MYO16: variants seen among roughly 807,000 people sequenced by gnomAD.
The protein encoded by MYO16 is myosin XVI, also known as unconventional myosin-XVI.
In MYO16, 94 loss-of-function variants were observed where a neutral mutation model predicts 205.3. The ratio of observed to expected loss-of-function variants is 0.46; its 90% CI spans 0.39 to 0.54. The LOEUF (loss-of-function observed/expected upper bound fraction) is 0.54, where lower values mean the gene tolerates loss of function less well. Ranked by LOEUF, MYO16 falls within the 20% of genes least tolerant of loss-of-function variation. The pLI is 0.00. For synonymous variants in MYO16, 988 were observed against 954.0 expected, an observed-to-expected ratio of 1.04 and a Z score of -0.66; for missense variants, 2,315 against 2,387.5, an observed-to-expected ratio of 0.97 and a Z score of 0.63.
At chr13:108,523,916 C>T in the MYO16 span, among the ~76,000 whole-genome samples, 4,163 of 152,236 alleles carry the variant, frequency 0.027, 189 homozygotes, top group African/African-American at 0.092. Flanking sequence ...GGATCCTAGG[C>T]GTGGATTTCT....
chr13:108,773,690 C>T (rs1490286496), intron 4 of MYO16, among the ~76,000 whole-genome samples: 1 of 152,136 alleles, frequency 6.6e-6, no homozygotes, highest in Non-Finnish European at 1.5e-5. Context: ...TTCACAGGTA[C>T]TTGGGGGTAA....
intron 27 of MYO16, among the ~76,000 whole-genome samples, chr13:109,072,669 C>T (rs182078733): frequency 4.6e-5 from 7 of 152,176 alleles, no homozygotes; most frequent in Admixed American, 6.6e-5. Flanking sequence ...CTCTCAACCA[C>T]GGCTGCTCAC....
intron 27 of MYO16, among the ~76,000 whole-genome samples, chr13:109,068,881 G>A (rs955374646): frequency 1.3e-5 from 2 of 152,114 alleles, no homozygotes; most frequent in African/African-American, 2.4e-5. Flanking sequence ...GAGAGCCACC[G>A]TGCCCAGCCC....
intron 15 of MYO16, among the ~76,000 whole-genome samples, chr13:108,905,438 A>G (rs1178684064): frequency 1.3e-5 from 2 of 152,168 alleles, no homozygotes; most frequent in African/African-American, 4.8e-5. Context: ...ATCTTCATGA[A>G]TCTTATTTGG....
intron 9 of MYO16, among the ~76,000 whole-genome samples, chr13:108,839,665 TG>T (rs1594334467): frequency 6.6e-6 from 1 of 152,224 alleles, no homozygotes. Context: ...CTTTCTCTCC[TG>T]TAACAGCACT....
chr13:108,549,344 T>C, the MYO16 span, among the ~76,000 whole-genome samples: 2 of 151,642 alleles, frequency 1.3e-5, no homozygotes, highest in Non-Finnish European at 2.9e-5. Flanking sequence ...ATCCAGAAGC[T>C]GGAAAAGGCT....
chr13:108,556,938 CTG>C, the MYO16 span, among the ~76,000 whole-genome samples: 48 of 152,176 alleles, frequency 3.2e-4, no homozygotes, highest in East Asian at 7.0e-3. Context: ...AATCAATTGA[CTG>C]TTATTGTGTG....
At chr13:109,173,968 G>A (rs1261046906) in intron 33 of MYO16, among the ~76,000 whole-genome samples, 1 of 145,860 alleles carries the variant, frequency 6.9e-6, no homozygotes, top group African/African-American at 2.6e-5. Context: ...ACTCTCTGCT[G>A]TTTTGGAAAA....
At chr13:108,773,546 CGT>C (rs1036486115) in intron 4 of MYO16, among the ~76,000 whole-genome samples, 1 of 152,066 alleles carries the variant, frequency 6.6e-6, no homozygotes, top group Non-Finnish European at 1.5e-5. Flanking sequence ...CTTCCCTCTG[CGT>C]GTGTGTCCAT....
chr13:108,668,687 C>A (rs761481797), intron 2 of MYO16, among the ~76,000 whole-genome samples: 8 of 152,142 alleles, frequency 5.3e-5, no homozygotes, highest in Non-Finnish European at 1.0e-4. Flanking sequence ...GTTTCTTTGT[C>A]CATCCTTGTA....
intron 12 of MYO16, among the ~76,000 whole-genome samples, chr13:108,873,776 T>C (rs111652751): frequency 6.8e-6 from 1 of 147,504 alleles, no homozygotes; most frequent in Admixed American, 6.7e-5. Flanking sequence ...ACAGGGTCCA[T>C]GCCAACCAAC....
intron 2 of MYO16, among the ~76,000 whole-genome samples, chr13:108,700,153 TG>T (rs1366676602): frequency 1.3e-5 from 2 of 151,666 alleles, no homozygotes; most frequent in Non-Finnish European, 2.9e-5. Context: ...GCCAACAGGG[TG>T]AAACCCTTTC....
the MYO16 span, among the ~76,000 whole-genome samples, chr13:108,584,798 G>A: frequency 6.6e-6 from 1 of 152,060 alleles, no homozygotes; most frequent in South Asian, 2.1e-4. Flanking sequence ...ATTTTGATGT[G>A]CAACAATGAT....
At chr13:108,743,502 T>C (rs1423674132) in intron 4 of MYO16, among the ~76,000 whole-genome samples, 1 of 152,172 alleles carries the variant, frequency 6.6e-6, no homozygotes, top group Non-Finnish European at 1.5e-5. Flanking sequence ...AAATAAGAAG[T>C]TGTAGGAGGA....
chr13:108,977,131 G>A (rs181598426), intron 20 of MYO16, among the ~76,000 whole-genome samples: 134 of 152,138 alleles, frequency 8.8e-4, no homozygotes, highest in African/African-American at 3.2e-3. Flanking sequence ...CTATCCTATG[G>A]TGTATTTTAT....
chr13:109,109,247 T>A (rs548519377), intron 28 of MYO16, among the ~76,000 whole-genome samples: 2 of 152,318 alleles, frequency 1.3e-5, no homozygotes, highest in Non-Finnish European at 2.9e-5. Flanking sequence ...GCACGTATTA[T>A]ATGCCAGAAG....
At chr13:108,574,774 A>G in the MYO16 span, among the ~76,000 whole-genome samples, 1 of 151,690 alleles carries the variant, frequency 6.6e-6, no homozygotes, top group Non-Finnish European at 1.5e-5. Context: ...CCTACCAAGC[A>G]TTTCCTCTCC....
intron 32 of MYO16, among the ~76,000 whole-genome samples, chr13:109,164,595 A>T (rs538107349): frequency 2.0e-5 from 3 of 152,212 alleles, no homozygotes; most frequent in Admixed American, 6.5e-5. Context: ...ACATGAACTC[A>T]TTGCTTTCTC....
chr13:108,684,101 C>T (rs1882575964), intron 2 of MYO16, among the ~76,000 whole-genome samples: 1 of 152,148 alleles, frequency 6.6e-6, no homozygotes, highest in Non-Finnish European at 1.5e-5. Flanking sequence ...GCCTCGATCT[C>T]CTGACCTCGT....
Sources: allele counts gnomAD v4.1 joint callset (sites outside exome capture counted in the v4.1 genomes callset), GRCh38; gene constraint gnomAD v4.1.1; transcripts MANE v1.5; gene names NCBI Gene and HGNC (gene_info 2026-07-23, HGNC 2026-07-21).